Variants in TIPIN observed in about 807,000 individuals in gnomAD.
TIPIN encodes TIMELESS interacting protein, also known as TIMELESS-interacting protein.
A neutral mutation model predicts 35.6 loss-of-function variants in TIPIN; 29 were observed. That is an observed-to-expected ratio of 0.82 (90% CI 0.61 to 1.11). The LOEUF (loss-of-function observed/expected upper bound fraction) is 1.11. Among genes scored for constraint, TIPIN ranks in the 50% most tolerant of loss-of-function variants. The probability of loss-of-function intolerance (pLI) is 0.00; values close to 1 mark genes in which losing one functional copy is unlikely to be tolerated. For synonymous variants in TIPIN, 102 were observed against 121.5 expected, an observed-to-expected ratio of 0.84 and a Z score of 1.06; for missense variants, 296 against 345.4, an observed-to-expected ratio of 0.86 and a Z score of 1.13.
upstream of TIPIN, among the ~76,000 whole-genome samples, chr15:66,360,048 T>C (rs917183458): frequency 1.3e-5 from 2 of 152,092 alleles, no homozygotes; most frequent in African/African-American, 4.8e-5. Context: ...CCTGGGATTA[T>C]AGACATGAGT....
At chr15:66,345,819 AT>A (rs1272520294) in intron 6 of TIPIN, among the ~76,000 whole-genome samples, 1 of 152,246 alleles carries the variant, frequency 6.6e-6, no homozygotes, top group African/African-American at 2.4e-5. Context: ...GATCAAAAAA[AT>A]TTGGAGACTA....
chr15:66,352,761 A>C, intron 2 of TIPIN, 54 bp downstream of exon 2: 2 of 1,527,496 alleles, frequency 1.3e-6, no homozygotes, highest in Non-Finnish European at 1.8e-6. Flanking sequence ...AATTACAGGC[A>C]TGAGCCACCG....
chr15:66,383,881 G>A (rs1412640190), intron 1 of TIPIN, among the ~76,000 whole-genome samples: 2 of 151,954 alleles, frequency 1.3e-5, no homozygotes, highest in African/African-American at 2.4e-5. Flanking sequence ...TTTATGTGAC[G>A]GTATAGATAT....
chr15:66,340,545 G>A (rs1435380096), intron 7 of TIPIN, among the ~76,000 whole-genome samples: 1 of 151,948 alleles, frequency 6.6e-6, no homozygotes, highest in Non-Finnish European at 1.5e-5. Context: ...ATGCTTTAAG[G>A]AGTCAGGGAA....
In TIPIN at chr15:66,336,557, A is replaced by C. The variant is rs548999328; in HGVS notation, c.*401T>G. 8.8e-5 allele frequency: 16 copies of C among 180,850 alleles called. No individual in the cohort carries two copies. The South Asian group carries it at 9.2e-4, about 10-fold the overall frequency. The allele number at this position is 180,850 out of a possible 1,614,324, so 11.2% of individuals were successfully genotyped here. A position where few individuals can be genotyped will look rare whatever the true frequency, so the allele number is the denominator to read the frequency against. On this transcript the variant is annotated 3_prime_UTR_variant, in exon 8 of 8. Coordinates refer to ENST00000261881, the MANE Select transcript of TIPIN (RefSeq NM_017858.3). Reference sequence around the variant, plus strand: ...CAACAGAGTGAGACTCTGTGTCAAAAAAAACAAAACAAAACAAAACAAAAA... The same window carrying C: ...CAACAGAGTGAGACTCTGTGTCAAACAAAACAAAACAAAACAAAACAAAAA...
rs1292550112 is a variant in TIPIN at position 66,379,260 on chromosome 15, T to G, written c.-9+7347A>C. ...TTCTCCAAATCAACAGGTCTTTTAT[T>G]ACATCATTTAAATATCACAAGTAGG... is the stretch of plus-strand genomic sequence containing the variant. On this transcript the variant is annotated intron_variant, in intron 1 of 7. Transcript: ENST00000562124. 2.0e-6 allele frequency: 3 copies of G among 1,484,486 alleles called. No homozygotes were observed. In the East Asian group the frequency reaches 7.3e-5, roughly 36 times the overall value. 92.0% of individuals were successfully genotyped at this position (1,484,486 alleles called of 1,614,324 possible).
At chr15:66,364,037 C>T (rs538312731) in intron 1 of TIPIN, among the ~76,000 whole-genome samples, 1 of 152,034 alleles carries the variant, frequency 6.6e-6, no homozygotes, top group African/African-American at 2.4e-5. Context: ...GATCCACCCC[C>T]ATGACCCAAA....
intron 7 of TIPIN, 118 bp downstream of exon 7, chr15:66,341,032 A>G (rs1282202332): frequency 1.3e-5 from 11 of 839,458 alleles, no homozygotes; most frequent in South Asian, 3.4e-5. Context: ...CATAAACTTA[A>G]TATCACACTT....
intron 6 of TIPIN, among the ~76,000 whole-genome samples, chr15:66,348,688 C>T (rs1225246616): frequency 6.7e-6 from 1 of 148,444 alleles, no homozygotes; most frequent in Non-Finnish European, 1.5e-5. Context: ...AGTGAGACTC[C>T]AGCTCAAAAA....
intron 6 of TIPIN, among the ~76,000 whole-genome samples, chr15:66,343,415 T>G (rs888493311): frequency 2.0e-5 from 3 of 152,170 alleles, no homozygotes. Flanking sequence ...CCTTGAAATA[T>G]TAGCTAATTA....
At chr15:66,361,562 TAAA>T (rs376136865), upstream of TIPIN, among the ~76,000 whole-genome samples, 11 of 133,784 alleles carry the variant, frequency 8.2e-5, no homozygotes, top group African/African-American at 2.9e-4. Context: ...ACCTGTAATT[TAAA>T]AAAAAAAAAA....
rs755062992 is a variant in TIPIN at position 66,349,119 on chromosome 15, C to T, written c.416G>A (p.Cys139Tyr). The T allele has an allele frequency of 9.9e-6, 16 of 1,610,738 alleles. No homozygotes were observed. The highest frequency in any genetic ancestry group is 1.3e-5 in the African/African-American group (1 of 74,964). ...GAGATCAAGTCGAATTCGTTTTAAA[C>T]AGGTCTGAAAATGAAAAGAGATTAT... ...YLGSKKEVQTCLKRIRLDLPI... is the reference protein window; with the variant it reads ...YLGSKKEVQTYLKRIRLDLPI... The change falls in exon 6 of 8, where the codon TGT becomes TAT. Residue 139 changes from cysteine (C) to tyrosine (Y), a missense_variant. By Grantham distance (194) the Cys-to-Tyr change is radical. Transcript: ENST00000261881.
chr15:66,364,890 C>T (rs934996110), intron 1 of TIPIN, among the ~76,000 whole-genome samples: 7 of 137,626 alleles, frequency 5.1e-5, no homozygotes, highest in South Asian at 4.6e-4. Context: ...TGCTTGAACC[C>T]GAGAGGGAGA....
At chr15:66,337,218 A>G (rs1205211748) in intron 7 of TIPIN, 37 bp from the exon 8 acceptor site, 2 of 1,564,632 alleles carry the variant, frequency 1.3e-6, no homozygotes, top group African/African-American at 2.7e-5. Context: ...CATTATAAGT[A>G]CCTGATCCAA....
intron 1 of TIPIN, among the ~76,000 whole-genome samples, chr15:66,354,557 T>A (rs2093190969): frequency 6.6e-6 from 1 of 152,188 alleles, no homozygotes; most frequent in Non-Finnish European, 1.5e-5. Flanking sequence ...GCTGATCACC[T>A]CACTTGGATT....
chr15:66,384,949 A>AAAAAC (rs946318459), intron 1 of TIPIN, among the ~76,000 whole-genome samples: 5 of 152,212 alleles, frequency 3.3e-5, no homozygotes, highest in African/African-American at 1.2e-4. Flanking sequence ...CACCCCCCCA[A>AAAAAC]AAAACAAAAC....
chr15:66,339,636 T>C (rs751196646), intron 7 of TIPIN, among the ~76,000 whole-genome samples: 9 of 152,044 alleles, frequency 5.9e-5, no homozygotes, highest in Non-Finnish European at 1.3e-4. Flanking sequence ...GGAAGCCCAA[T>C]GCTGGAGGAT....
At chr15:66,385,271 A>G (rs1298087904) in intron 1 of TIPIN, among the ~76,000 whole-genome samples, 1 of 152,136 alleles carries the variant, frequency 6.6e-6, no homozygotes, top group East Asian at 1.9e-4. Flanking sequence ...CTAGGTCACC[A>G]ACACCTGGCT....
chr15:66,379,460 C>T, intron 1 of TIPIN: 2 of 1,606,722 alleles, frequency 1.2e-6, no homozygotes, highest in Non-Finnish European at 1.7e-6. Context: ...TTGAAACAAG[C>T]TCAATGTCAT....
Sources: allele counts gnomAD v4.1 joint callset (sites outside exome capture counted in the v4.1 genomes callset), GRCh38; gene constraint gnomAD v4.1.1; transcripts MANE v1.5; gene names NCBI Gene and HGNC (gene_info 2026-07-23, HGNC 2026-07-21).